CPO: variants seen among roughly 807,000 people sequenced by gnomAD.
CPO encodes carboxypeptidase O, also known as metallocarboxypeptidase C.
A neutral mutation model predicts 41.2 loss-of-function variants in CPO; 43 were observed. The observed-to-expected ratio is 1.04, with a 90% CI of 0.82 to 1.35. The LOEUF is 1.35. Ranked by LOEUF, CPO falls within the 40% of genes most tolerant of loss-of-function variation. The probability of loss-of-function intolerance (pLI) is 0.00; values close to 1 mark genes in which losing one functional copy is unlikely to be tolerated. For synonymous variants in CPO, 178 were observed against 162.7 expected, an observed-to-expected ratio of 1.09 and a Z score of -0.72; for missense variants, 408 against 451.7, an observed-to-expected ratio of 0.90 and a Z score of 0.88.
intron 5 of CPO, among the ~76,000 whole-genome samples, chr2:206,960,064 A>C (rs1693449795): frequency 6.6e-6 from 1 of 152,194 alleles, no homozygotes; most frequent in Non-Finnish European, 1.5e-5. Flanking sequence ...TTCATGTACC[A>C]ACTTGCATCC....
chr2:206,956,316 T>A (rs1693355574), intron 3 of CPO, among the ~76,000 whole-genome samples: 1 of 152,136 alleles, frequency 6.6e-6, no homozygotes, highest in Non-Finnish European at 1.5e-5. Context: ...CAGGCATACT[T>A]CGAACACTCT....
At chr2:206,957,616 GT>G (rs924954610) in intron 3 of CPO, among the ~76,000 whole-genome samples, 2 of 152,174 alleles carry the variant, frequency 1.3e-5, no homozygotes, top group African/African-American at 2.4e-5. Flanking sequence ...AGATGTGACT[GT>G]TCCAAGCATG....
chr2:206,966,559 C>T (rs765799421), intron 7 of CPO, among the ~76,000 whole-genome samples: 2 of 152,076 alleles, frequency 1.3e-5, no homozygotes. Flanking sequence ...TCCAGCAGAC[C>T]ATTCTTGTAC....
At position 206,963,141 on chromosome 2, in the gene CPO, T is replaced by C. The variant is rs561164642; in HGVS notation, c.777+527T>C. Among the ~76,000 whole-genome samples the C allele has an allele frequency of 6.5e-4, 86 of 132,278 alleles. 1 individual carries two copies. The highest frequency in any genetic ancestry group is 1.5e-3 in the South Asian group (6 of 4,114). 86.8% of individuals were successfully genotyped at this position (132,278 alleles called of 152,430 possible). On this transcript the variant is annotated intron_variant, in intron 7 of 8. Coordinates refer to ENST00000272852, the MANE Select transcript of CPO (RefSeq NM_173077.3). ...GGGGAAGTGCCAGCGAAATGCAAGC[T>C]GGAGCAGGGAAACTGTTTGGTCTTA...
intron 1 of CPO, among the ~76,000 whole-genome samples, chr2:206,941,453 C>A (rs947316572): frequency 6.6e-6 from 1 of 151,766 alleles, no homozygotes; most frequent in African/African-American, 2.4e-5. Context: ...ATATTTTCTC[C>A]CTTCCCTCAA....
chr2:206,949,040 A>C (rs1260356938), intron 1 of CPO, among the ~76,000 whole-genome samples: 1 of 150,944 alleles, frequency 6.6e-6, no homozygotes, highest in African/African-American at 2.4e-5. Context: ...TGTGCTAAAT[A>C]ATAAAGTTTA....
At chr2:206,944,752 ACT>A (rs1262241714) in intron 1 of CPO, among the ~76,000 whole-genome samples, 1 of 151,932 alleles carries the variant, frequency 6.6e-6, no homozygotes, top group African/African-American at 2.4e-5. Flanking sequence ...AATAAATCTA[ACT>A]CTAAGTTTAA....
rs565399320 is a variant in CPO, at chr2:206,943,060, CTTTATTTAA to C, written c.68+3400_68+3408del. On this transcript the variant is annotated intron_variant, in intron 1 of 8. Coordinates refer to ENST00000272852, the MANE Select transcript of CPO (RefSeq NM_173077.3). Reference sequence around the variant, plus strand: ...CAAATGCCTGAGGGTGTTAGGTTATCTTTATTTAATTTATTCCCCTCAGTGTTATGGCAT... The same window carrying C: ...CAAATGCCTGAGGGTGTTAGGTTATCTTTATTCCCCTCAGTGTTATGGCAT... Among the ~76,000 whole-genome samples, 594 of 152,264 alleles carry C rather than the reference CTTTATTTAA, an allele frequency of 3.9e-3. 2 individuals are homozygous for C. Among genetic ancestry groups the C allele is most frequent in the Non-Finnish European group, 7.0e-3 (478 of 68,010 alleles).
intron 1 of CPO, 54 bp from the exon 2 acceptor site, chr2:206,949,563 T>C: frequency 1.5e-6 from 2 of 1,329,468 alleles, no homozygotes; most frequent in Non-Finnish European, 2.2e-6. Context: ...CCGCCAACCC[T>C]CAGGATATCC....
intron 2 of CPO, among the ~76,000 whole-genome samples, chr2:206,950,390 C>T (rs1574348839): frequency 6.6e-6 from 1 of 152,248 alleles, no homozygotes; most frequent in African/African-American, 2.4e-5. Flanking sequence ...AATACCATCT[C>T]ACGTCTAGAA....
intron 5 of CPO, 97 bp from the exon 6 acceptor site, chr2:206,960,755 A>G (rs1693463448): frequency 1.1e-6 from 1 of 873,696 alleles, no homozygotes; most frequent in Admixed American, 1.9e-5. Flanking sequence ...AGATAATCCT[A>G]GGAAACATTT....
intron 1 of CPO, among the ~76,000 whole-genome samples, chr2:206,949,302 A>G (rs1693206728): frequency 6.6e-6 from 1 of 152,218 alleles, no homozygotes; most frequent in Non-Finnish European, 1.5e-5. Flanking sequence ...TTTCACTTCA[A>G]TAAATCTTAG....
intron 7 of CPO, among the ~76,000 whole-genome samples, chr2:206,966,657 G>T (rs1266575210): frequency 6.6e-6 from 1 of 152,190 alleles, no homozygotes; most frequent in Non-Finnish European, 1.5e-5. Flanking sequence ...CAGGAACTGA[G>T]GCAGACTCAG....
chr2:206,962,274 T>G (rs1280570454), intron 6 of CPO, 138 bp from the exon 7 acceptor site: 2 of 713,842 alleles, frequency 2.8e-6, no homozygotes, highest in Non-Finnish European at 2.4e-6. Context: ...TTGACTAATT[T>G]AGCCTGGACT....
At chr2:206,961,386 G>C (rs1217398727) in intron 6 of CPO, among the ~76,000 whole-genome samples, 1 of 152,168 alleles carries the variant, frequency 6.6e-6, no homozygotes. Flanking sequence ...TAAAGAAGGA[G>C]GAATGGCTGA....
intron 2 of CPO, among the ~76,000 whole-genome samples, chr2:206,954,939 AC>A (rs1035425453): frequency 1.2e-4 from 18 of 152,004 alleles, no homozygotes; most frequent in Middle Eastern, 3.2e-3. Context: ...GGAAAAGCCC[AC>A]CCCCATGATT....
intron 7 of CPO, among the ~76,000 whole-genome samples, chr2:206,967,358 TAG>T (rs1376542375): frequency 0.016 from 1,470 of 94,346 alleles, 28 homozygotes; most frequent in African/African-American, 0.051. Context: ...TATAGATATA[TAG>T]ATATAGATAT....
At chr2:206,957,713 T>A (rs995998045) in intron 3 of CPO, among the ~76,000 whole-genome samples, 3 of 152,184 alleles carry the variant, frequency 2.0e-5, no homozygotes, top group Non-Finnish European at 4.4e-5. Flanking sequence ...AAGAGGGGAA[T>A]CTTCCTTAGA....
intron 2 of CPO, among the ~76,000 whole-genome samples, chr2:206,951,408 T>C (rs1693261378): frequency 6.6e-6 from 1 of 152,240 alleles, no homozygotes; most frequent in South Asian, 2.1e-4. Context: ...GAGGTATAAA[T>C]TTCTAAAAAT....
Sources: allele counts gnomAD v4.1 joint callset (sites outside exome capture counted in the v4.1 genomes callset), GRCh38; gene constraint gnomAD v4.1.1; transcripts MANE v1.5; gene names NCBI Gene and HGNC (gene_info 2026-07-23, HGNC 2026-07-21).